The following PRR16 variants were observed in gnomAD, a reference collection of about 807,000 sequenced individuals.
PRR16 encodes the protein protein Largen.
PRR16 carries 6 observed loss-of-function variants against 18.2 expected under a neutral mutation model. The ratio of observed to expected loss-of-function variants is 0.33; its 90% confidence interval spans 0.18 to 0.65. The LOEUF (loss-of-function observed/expected upper bound fraction) is 0.65, where lower values mean the gene tolerates loss of function less well. PRR16 is among the 30% of genes least tolerant of loss of function. PRR16 has a pLI of 0.74. For synonymous variants in PRR16, 151 were observed against 147.8 expected (o/e 1.02, Z -0.16); for missense variants, 412 against 376.6 (o/e 1.09, Z -0.78).
chr5:120,656,494 A>G (rs1233290367), intron 1 of PRR16, among the ~76,000 whole-genome samples: 6 of 151,394 alleles, frequency 4.0e-5, no homozygotes, highest in Non-Finnish European at 4.4e-5. Flanking sequence ...AAAAATTACT[A>G]AAGTACTTAC....
intron 1 of PRR16, among the ~76,000 whole-genome samples, chr5:120,536,245 A>G (rs1395218023): frequency 6.6e-6 from 1 of 152,146 alleles, no homozygotes; most frequent in East Asian, 1.9e-4. Context: ...AATTGATTTA[A>G]ATATTAGTGA....
intron 1 of PRR16, among the ~76,000 whole-genome samples, chr5:120,589,100 G>C (rs529967094): frequency 1.3e-5 from 2 of 152,010 alleles, no homozygotes; most frequent in Admixed American, 6.6e-5. Flanking sequence ...ACTGGATAAG[G>C]TTATTATTAT....
At chr5:120,479,114 C>G (rs1238978852) in intron 1 of PRR16, among the ~76,000 whole-genome samples, 30 of 152,004 alleles carry the variant, frequency 2.0e-4, no homozygotes. Flanking sequence ...TCAGCCTATT[C>G]AGATACTAAA....
chr5:120,674,523 C>T (rs1756729040), intron 1 of PRR16, among the ~76,000 whole-genome samples: 1 of 152,140 alleles, frequency 6.6e-6, no homozygotes, highest in African/African-American at 2.4e-5. Context: ...AAATGTCTTT[C>T]ACTGTCTATT....
the PRR16 span, among the ~76,000 whole-genome samples, chr5:120,761,538 C>T: frequency 6.6e-6 from 1 of 152,126 alleles, no homozygotes; most frequent in Non-Finnish European, 1.5e-5. Context: ...CAAAATTATA[C>T]ATAAATCAAA....
chr5:120,576,513 A>C (rs1462539002), intron 1 of PRR16, among the ~76,000 whole-genome samples: 3 of 152,178 alleles, frequency 2.0e-5, no homozygotes, highest in Non-Finnish European at 4.4e-5. Context: ...AATTAAAGAT[A>C]ACAGGTGTTG....
chr5:120,747,757 A>T, the PRR16 span, among the ~76,000 whole-genome samples: 1 of 151,828 alleles, frequency 6.6e-6, no homozygotes, highest in African/African-American at 2.4e-5. Context: ...GAAGAGAAAG[A>T]TGAAGGAAGG....
the PRR16 span, among the ~76,000 whole-genome samples, chr5:120,729,685 A>C: frequency 6.6e-5 from 10 of 152,178 alleles, no homozygotes; most frequent in Non-Finnish European, 1.0e-4. Flanking sequence ...TATAAGTCTT[A>C]AAACTGGATA....
intron 1 of PRR16, among the ~76,000 whole-genome samples, chr5:120,643,370 C>T (rs1348810792): frequency 6.6e-6 from 1 of 152,008 alleles, no homozygotes; most frequent in Non-Finnish European, 1.5e-5. Flanking sequence ...ACTTTGAGAC[C>T]TGGTAGTCAG....
At chr5:120,487,000 G>A (rs367707678) in intron 1 of PRR16, among the ~76,000 whole-genome samples, 11 of 152,160 alleles carry the variant, frequency 7.2e-5, no homozygotes, top group South Asian at 2.1e-4. Context: ...TGTTCCATTG[G>A]TCTATATCTC....
At chr5:120,690,585 A>G (rs1178248243), downstream of PRR16, among the ~76,000 whole-genome samples, 9 of 152,218 alleles carry the variant, frequency 5.9e-5, no homozygotes, top group African/African-American at 2.2e-4. Context: ...AAGTAGATAA[A>G]GTGCACAGCA....
intron 1 of PRR16, among the ~76,000 whole-genome samples, chr5:120,594,652 C>T (rs1753743904): frequency 1.3e-5 from 2 of 152,044 alleles, no homozygotes. Flanking sequence ...ATACCCAAGG[C>T]AATCCTAAGC....
In PRR16 at chr5:120,464,662, T is replaced by G. The variant is rs760397590; in HGVS notation, c.159+17T>G. 1 of 1,541,532 alleles carries G rather than the reference T, an allele frequency of 6.5e-7. No homozygotes were observed. The highest frequency in any genetic ancestry group is 1.2e-5 in the South Asian group (1 of 84,058). Reference sequence around the variant, plus strand: ...CTTAAGGAGGTGAGAGGCGCAGGGGTGGGGAGGGAGTTCGGCACCCTTCGA... The same window carrying G: ...CTTAAGGAGGTGAGAGGCGCAGGGGGGGGGAGGGAGTTCGGCACCCTTCGA... On this transcript the variant is annotated intron_variant, in intron 1 of 1. Coordinates refer to ENST00000407149, the MANE Select transcript of PRR16 (RefSeq NM_001300783.2).
At chr5:120,751,634 T>C in the PRR16 span, among the ~76,000 whole-genome samples, 5 of 152,106 alleles carry the variant, frequency 3.3e-5, no homozygotes, top group East Asian at 9.6e-4. Context: ...AAAAGAAATA[T>C]AATAAGTAAA....
At chr5:120,512,707 T>A (rs1750866779) in intron 1 of PRR16, among the ~76,000 whole-genome samples, 1 of 152,138 alleles carries the variant, frequency 6.6e-6, no homozygotes, top group African/African-American at 2.4e-5. Flanking sequence ...TGTGTAACAA[T>A]GAAGCCATTC....
chr5:120,631,171 A>G lies in PRR16; in HGVS notation c.160-54783A>G, dbSNP rs576659930. On this transcript the variant is annotated intron_variant, in intron 1 of 1. Transcript: ENST00000407149. ...CCTTATCATTATATATCATGACAGT[A>G]AAATAAGAGTTGATGATTTAAAATT... Among the ~76,000 whole-genome samples, 166 of 152,304 alleles carry G rather than the reference A, an allele frequency of 1.1e-3. 4 individuals carry two copies. The Middle Eastern group carries it at 0.058, about 53-fold the overall frequency.
chr5:120,642,972 A>G (rs1228155289), intron 1 of PRR16, among the ~76,000 whole-genome samples: 1 of 152,100 alleles, frequency 6.6e-6, no homozygotes, highest in Non-Finnish European at 1.5e-5. Flanking sequence ...CTTTCTGCCC[A>G]TAGTTAGTCA....
At chr5:120,613,112 G>A (rs1210846583) in intron 1 of PRR16, among the ~76,000 whole-genome samples, 1 of 152,082 alleles carries the variant, frequency 6.6e-6, no homozygotes, top group Non-Finnish European at 1.5e-5. Flanking sequence ...AACTTATAAT[G>A]CAAATATTTG....
At chr5:120,766,421 A>G in the PRR16 span, among the ~76,000 whole-genome samples, 1 of 151,852 alleles carries the variant, frequency 6.6e-6, no homozygotes, top group Admixed American at 6.6e-5. Context: ...CTATTCAACT[A>G]TTTTATTACT....
Sources: allele counts gnomAD v4.1 joint callset (sites outside exome capture counted in the v4.1 genomes callset), GRCh38; gene constraint gnomAD v4.1.1; transcripts MANE v1.5; gene names NCBI Gene and HGNC (gene_info 2026-07-23, HGNC 2026-07-21).